Variants in CYFIP1 observed in about 807,000 individuals in gnomAD.
CYFIP1 encodes the protein cytoplasmic FMR1 interacting protein 1, also known as cytoplasmic FMR1-interacting protein 1.
In CYFIP1, 58 loss-of-function variants were observed where a neutral mutation model predicts 163.5. That is an observed-to-expected ratio of 0.35 (90% CI 0.29 to 0.44). The LOEUF is 0.44. Ranked by LOEUF, CYFIP1 falls within the 20% of genes least tolerant of loss-of-function variation. The pLI is 1.00. For missense variants in CYFIP1, 1,338 were observed against 1,653.8 expected (o/e 0.81, Z 3.31); for synonymous variants, 663 against 660.7 (o/e 1.00, Z -0.05).
At chr15:22,876,592 C>G (rs1288663736) in intron 26 of CYFIP1, among the ~76,000 whole-genome samples, 1 of 152,030 alleles carries the variant, frequency 6.6e-6, no homozygotes, top group African/African-American at 2.4e-5. Context: ...CCTGTAATCC[C>G]AGCACTTTGG....
intron 22 of CYFIP1, among the ~76,000 whole-genome samples, chr15:22,902,258 G>A (rs895593124): frequency 1.3e-5 from 2 of 152,216 alleles, no homozygotes; most frequent in Admixed American, 6.5e-5. Flanking sequence ...GCAGCTGCAC[G>A]CATGGCACTG....
chr15:22,976,163 T>G (rs1313739510), intron 1 of CYFIP1, among the ~76,000 whole-genome samples: 2 of 144,678 alleles, frequency 1.4e-5, no homozygotes, highest in Non-Finnish European at 3.0e-5. Flanking sequence ...TTTAATTTTC[T>G]TTTTTTTTTT....
At chr15:22,943,430 T>G (rs1449254559) in intron 5 of CYFIP1, 76 bp from the exon 6 acceptor site, 1 of 1,446,008 alleles carries the variant, frequency 6.9e-7, no homozygotes, top group Non-Finnish European at 9.5e-7. Context: ...TTCAAGCACC[T>G]GCAGTCACTG....
At chr15:22,959,614 T>C in intron 1 of CYFIP1, among the ~76,000 whole-genome samples, 1 of 152,298 alleles carries the variant, frequency 6.6e-6, no homozygotes. Flanking sequence ...CCGCTGGCCA[T>C]TCTGGCTGGG....
In CYFIP1 at chr15:22,941,478, T is replaced by C. The variant is rs562580098; in HGVS notation, c.569+1695A>G. On this transcript the variant is annotated intron_variant, in intron 6 of 30. Coordinates refer to ENST00000617928, the MANE Select transcript of CYFIP1 (RefSeq NM_014608.6). Reference sequence around the variant, plus strand: ...CCTCACCATAACCATATGAGTTATCTTGGCATTGACACTTAAAAGAGGTTA... The same window carrying C: ...CCTCACCATAACCATATGAGTTATCCTGGCATTGACACTTAAAAGAGGTTA... Among the ~76,000 whole-genome samples the C allele has an allele frequency of 9.2e-5, 14 of 152,274 alleles. No homozygotes were observed. In the East Asian group the frequency reaches 1.5e-3, roughly 17 times the overall value.
At chr15:22,907,937 T>A (rs2060639963) in intron 21 of CYFIP1, among the ~76,000 whole-genome samples, 1 of 152,212 alleles carries the variant, frequency 6.6e-6, no homozygotes, top group Admixed American at 6.5e-5. Flanking sequence ...CACCACTCTC[T>A]CTCTCATCTC....
intron 1 of CYFIP1, among the ~76,000 whole-genome samples, chr15:22,973,588 G>T (rs1304935607): frequency 6.6e-6 from 1 of 152,082 alleles, no homozygotes; most frequent in Non-Finnish European, 1.5e-5. Context: ...TTCTTCTGTG[G>T]CATCAGCGTT....
At chr15:22,963,694 G>C (rs1406128420) in intron 1 of CYFIP1, among the ~76,000 whole-genome samples, 1 of 152,158 alleles carries the variant, frequency 6.6e-6, no homozygotes, top group Non-Finnish European at 1.5e-5. Context: ...GCCCCGGGCA[G>C]GCTGGACGCT....
chr15:22,889,009 TA>T (rs2059996532), intron 23 of CYFIP1, among the ~76,000 whole-genome samples: 6 of 149,996 alleles, frequency 4.0e-5, no homozygotes, highest in Non-Finnish European at 5.9e-5. Flanking sequence ...CACACCACTG[TA>T]CTCCAGCCTA....
chr15:22,919,915 G>A (rs56175502), intron 13 of CYFIP1, among the ~76,000 whole-genome samples: 55,372 of 151,178 alleles, frequency 0.37, 10,435 homozygotes, highest in East Asian at 0.55. Context: ...CCAGCTACTC[G>A]GGAGGCTAAG....
intron 9 of CYFIP1, among the ~76,000 whole-genome samples, chr15:22,936,299 C>T (rs1455040697): frequency 1.3e-5 from 2 of 152,052 alleles, no homozygotes; most frequent in Non-Finnish European, 2.9e-5. Context: ...GACATGTATC[C>T]AGAATATATA....
chr15:22,960,967 AT>A (rs2062659562), intron 1 of CYFIP1, among the ~76,000 whole-genome samples: 2 of 151,600 alleles, frequency 1.3e-5, no homozygotes, highest in Admixed American at 1.3e-4. Flanking sequence ...TGTTTTTATA[AT>A]TTAATCTGAA....
intron 22 of CYFIP1, among the ~76,000 whole-genome samples, chr15:22,893,863 C>T (rs978321599): frequency 9.9e-5 from 15 of 152,134 alleles, no homozygotes; most frequent in Non-Finnish European, 1.5e-4. Flanking sequence ...CCTGCATCTG[C>T]GTGAGTCCAT....
At chr15:22,965,367 G>A (rs1468841737) in intron 1 of CYFIP1, among the ~76,000 whole-genome samples, 1 of 152,218 alleles carries the variant, frequency 6.6e-6, no homozygotes, top group Non-Finnish European at 1.5e-5. Context: ...GCTGAGGCAG[G>A]AGAATTGCTT....
intron 20 of CYFIP1, 47 bp downstream of exon 20, chr15:22,910,473 T>C (rs964407637): frequency 6.5e-7 from 1 of 1,532,888 alleles, no homozygotes; most frequent in African/African-American, 1.4e-5. Flanking sequence ...AACCCAGTCT[T>C]TTCAATGCAC....
In CYFIP1 at chr15:22,917,036, A is replaced by G. The variant is rs1190829033; in HGVS notation, c.1675-406T>C. 1 of 1,533,230 alleles carries G rather than the reference A, an allele frequency of 6.5e-7. No individual in the cohort carries two copies. The highest frequency in any genetic ancestry group is 1.4e-5 in the African/African-American group (1 of 72,338). The allele number at this position is 1,533,230 out of a possible 1,614,324, so 95.0% of individuals were successfully genotyped here. On this transcript the variant is annotated intron_variant, in intron 15 of 30. Transcript: ENST00000617928. The surrounding 1 kb of genome is among the most constrained non-coding windows in gnomAD (Gnocchi z 4.2). ...TGGTGCGCACCAGGTAGAGCTAGACACGGACAGACAGGAGGGAGAGGCAGG... is the reference window on the plus strand; with the variant it reads ...TGGTGCGCACCAGGTAGAGCTAGACGCGGACAGACAGGAGGGAGAGGCAGG...
At chr15:22,893,795 C>T (rs749357063) in intron 22 of CYFIP1, among the ~76,000 whole-genome samples, 5 of 152,264 alleles carry the variant, frequency 3.3e-5, no homozygotes, top group Admixed American at 1.3e-4. Context: ...TGCCAATATC[C>T]CTGGGTGCCA....
intron 1 of CYFIP1, chr15:22,948,014 G>T: frequency 1.0e-6 from 1 of 984,434 alleles, no homozygotes; most frequent in Non-Finnish European, 1.2e-6. Flanking sequence ...GGGACCAGGG[G>T]CAGCTGAGCC....
At chr15:22,880,527 G>A (rs1485257174) in intron 25 of CYFIP1, among the ~76,000 whole-genome samples, 1 of 152,194 alleles carries the variant, frequency 6.6e-6, no homozygotes, top group African/African-American at 2.4e-5. Context: ...GCGTCTCAAC[G>A]GCATCCCGGA....
Sources: gnomAD v4.1 joint callset for allele counts (sites outside exome capture counted in the v4.1 genomes callset) on GRCh38, gnomAD v4.1.1 for gene constraint, Gnocchi (gnomAD v3.1) non-coding constraint, MANE v1.5 for transcripts, NCBI Gene and HGNC (gene_info 2026-07-23, HGNC 2026-07-21) for gene names.